The following SEL1L3 variants were observed in gnomAD, a reference collection of about 807,000 sequenced individuals.
SEL1L3 encodes the protein protein sel-1 homolog 3.
SEL1L3 carries 76 observed loss-of-function variants against 142.8 expected under a neutral mutation model. The observed-to-expected ratio is 0.53, with a 90% CI of 0.44 to 0.64. SEL1L3 has a LOEUF of 0.64. Among genes scored for constraint, SEL1L3 ranks in the 30% least tolerant of loss-of-function variants. The pLI, the probability that SEL1L3 is intolerant of heterozygous loss-of-function variation, is 0.00. For synonymous variants in SEL1L3, 504 were observed against 519.6 expected, an observed-to-expected ratio of 0.97 and a Z score of 0.41; for missense variants, 1,262 against 1,381.7, an observed-to-expected ratio of 0.91 and a Z score of 1.37.
chr4:25,837,268 C>T (rs1420412381), intron 2 of SEL1L3, among the ~76,000 whole-genome samples: 1 of 148,460 alleles, frequency 6.7e-6, no homozygotes, highest in East Asian at 2.0e-4. Context: ...CAGAAGAGAC[C>T]AGATGGCCAC....
At chr4:25,791,644 G>A (rs1342561513) in intron 11 of SEL1L3, among the ~76,000 whole-genome samples, 1 of 152,192 alleles carries the variant, frequency 6.6e-6, no homozygotes, top group African/African-American at 2.4e-5. Context: ...TTCTTTGTTA[G>A]TTAATTAAGA....
At position 25,788,192 on chromosome 4, in the gene SEL1L3, C is replaced by A. The variant is rs1577603252; in HGVS notation, c.2217+32G>T. On this transcript the variant is annotated intron_variant, in intron 13 of 23. Transcript: ENST00000399878. The surrounding 1 kb of genome is among the most constrained non-coding windows in gnomAD (Gnocchi z 5.3). ...CTGCTCAGGAGTCTGATAAGAATTG[C>A]ACAATTTCAGCACGAATTAAGTGAT... 1 of 1,608,970 alleles carries A rather than the reference C, an allele frequency of 6.2e-7. No homozygotes were observed. The highest frequency in any genetic ancestry group is 1.3e-5 in the African/African-American group (1 of 74,996).
In SEL1L3 at chr4:25,750,627, T is replaced by C. The variant is rs529121565; in HGVS notation, c.3260-2063A>G. On this transcript the variant is annotated intron_variant, in intron 23 of 23. Transcript: ENST00000399878. ...AAACACTCTTCAGGAGTGGAGATAC[T>C]GGTAAGATGTCAAGCTAATGAGACA... is the stretch of plus-strand genomic sequence containing the variant. Among the ~76,000 whole-genome samples, 33 of 152,322 alleles carry C rather than the reference T, an allele frequency of 2.2e-4. No individual in the cohort carries two copies. In the East Asian group the frequency reaches 5.8e-3, roughly 27 times the overall value.
At chr4:25,757,646 G>T in intron 22 of SEL1L3, 40 bp from the exon 23 acceptor site, 1 of 1,559,364 alleles carries the variant, frequency 6.4e-7, no homozygotes, top group Non-Finnish European at 8.7e-7. Flanking sequence ...CTGACAAAGG[G>T]CAGGGGCCAC....
chr4:25,793,821 G>A (rs1348015969), intron 11 of SEL1L3, among the ~76,000 whole-genome samples: 1 of 152,080 alleles, frequency 6.6e-6, no homozygotes, highest in African/African-American at 2.4e-5. Flanking sequence ...TCAAATCTAG[G>A]CTCCACTACT....
chr4:25,810,838 C>A (rs938761580), intron 9 of SEL1L3, among the ~76,000 whole-genome samples: 1 of 152,208 alleles, frequency 6.6e-6, no homozygotes, highest in Admixed American at 6.5e-5. Context: ...CAAGGGGACT[C>A]GGCCACATCT....
intron 6 of SEL1L3, 68 bp downstream of exon 6, chr4:25,830,030 G>T (rs1715334672): frequency 1.0e-6 from 1 of 968,614 alleles, no homozygotes; most frequent in Non-Finnish European, 1.6e-6. Context: ...AGGGCTGAGG[G>T]CTAAAGTATG....
Position 25,847,328 on chromosome 4 carries a change from C to T in SEL1L3, c.699G>A (p.Arg233=). 1 of 1,613,692 alleles carries T rather than the reference C, an allele frequency of 6.2e-7. No individual in the cohort carries two copies. Among genetic ancestry groups the T allele is most frequent in the Non-Finnish European group, 8.5e-7 (1 of 1,179,770 alleles). The change falls in exon 2 of 24, where the codon CGG becomes CGA. Residue 233 remains arginine, a synonymous_variant. Coordinates refer to ENST00000399878, the MANE Select transcript of SEL1L3 (RefSeq NM_015187.5). ...GAGGACACTGTGGAATCCTGTTTGC[C>T]CGAAGGTTCCAAATATAACCCATGT... ...EWNMGYIWNL[R]ANRIPQCPLE...
At chr4:25,850,144 T>G (rs548745142) in intron 1 of SEL1L3, among the ~76,000 whole-genome samples, 1 of 152,042 alleles carries the variant, frequency 6.6e-6, no homozygotes, top group Non-Finnish European at 1.5e-5. Context: ...AAAAGAAAAG[T>G]AGAGTTTGGC....
At chr4:25,728,050 A>G in the SEL1L3 span, among the ~76,000 whole-genome samples, 1 of 152,158 alleles carries the variant, frequency 6.6e-6, no homozygotes, top group African/African-American at 2.4e-5. Context: ...ACACTAGAAA[A>G]TAAGAGCTCT....
At chr4:25,853,568 A>G (rs1717041970) in intron 1 of SEL1L3, among the ~76,000 whole-genome samples, 2 of 152,258 alleles carry the variant, frequency 1.3e-5, no homozygotes, top group South Asian at 4.1e-4. Context: ...ATATCTCATT[A>G]ATAAATTTTA....
At chr4:25,839,049 TA>T (rs1716008842) in intron 2 of SEL1L3, among the ~76,000 whole-genome samples, 1 of 152,226 alleles carries the variant, frequency 6.6e-6, no homozygotes, top group Non-Finnish European at 1.5e-5. Flanking sequence ...TACAAGTCTG[TA>T]AGCAAAATCT....
chr4:25,861,819 A>G (rs1160185498), intron 1 of SEL1L3: 2 of 152,192 alleles, frequency 1.3e-5, no homozygotes, highest in African/African-American at 4.8e-5. Context: ...GTTTAGGAGA[A>G]CTCAAAACAG....
intron 17 of SEL1L3, among the ~76,000 whole-genome samples, 170 bp downstream of exon 17, chr4:25,776,107 C>T (rs1440989764): frequency 1.3e-5 from 2 of 152,116 alleles, no homozygotes; most frequent in African/African-American, 4.8e-5. Context: ...CATGGAAATG[C>T]TATGTTTTCC....
chr4:25,823,032 G>T (rs558046071), intron 6 of SEL1L3, among the ~76,000 whole-genome samples: 25 of 152,174 alleles, frequency 1.6e-4, no homozygotes, highest in Non-Finnish European at 3.2e-4. Context: ...GAGGCTAACA[G>T]ATTTTTTTCA....
intron 9 of SEL1L3, among the ~76,000 whole-genome samples, chr4:25,808,284 G>A (rs530507712): frequency 3.3e-5 from 5 of 152,030 alleles, no homozygotes; most frequent in African/African-American, 9.7e-5. Context: ...TTCTTTCAGC[G>A]CCCAAAGCTA....
At chr4:25,861,330 A>C (rs754543808) in intron 1 of SEL1L3, among the ~76,000 whole-genome samples, 1 of 152,274 alleles carries the variant, frequency 6.6e-6, no homozygotes, top group South Asian at 2.1e-4. Context: ...AATATGAAGT[A>C]AGCCCAACCA....
At chr4:25,846,675 A>G (rs370109960) in intron 2 of SEL1L3, among the ~76,000 whole-genome samples, 171 of 152,132 alleles carry the variant, frequency 1.1e-3, no homozygotes, top group East Asian at 6.2e-3. Context: ...TTGGGAGGCT[A>G]AGGCAGGCAG....
intron 2 of SEL1L3, among the ~76,000 whole-genome samples, chr4:25,841,601 C>T: frequency 6.6e-6 from 1 of 152,180 alleles, no homozygotes; most frequent in East Asian, 1.9e-4. Context: ...AGACAAACTA[C>T]TCTATCTCTC....
Sources: allele counts gnomAD v4.1 joint callset (sites outside exome capture counted in the v4.1 genomes callset), GRCh38; gene constraint gnomAD v4.1.1; non-coding constraint Gnocchi (gnomAD v3.1); transcripts MANE v1.5; gene names NCBI Gene and HGNC (gene_info 2026-07-23, HGNC 2026-07-21).